Variants in SLC24A2 observed in about 807,000 individuals in gnomAD.
SLC24A2 encodes the protein solute carrier family 24 member 2, also known as sodium/potassium/calcium exchanger 2.
In SLC24A2, 36 loss-of-function variants were observed where a neutral mutation model predicts 62.0. That is an observed-to-expected ratio of 0.58 (90% confidence interval 0.44 to 0.77). SLC24A2 has a LOEUF of 0.77. Ranked by LOEUF, SLC24A2 falls within the 30% of genes least tolerant of loss-of-function variation. SLC24A2 has a pLI of 0.00. For synonymous variants in SLC24A2, 358 were observed against 294.0 expected, an observed-to-expected ratio of 1.22 and a Z score of -2.23; for missense variants, 846 against 817.9, an observed-to-expected ratio of 1.03 and a Z score of -0.42.
At chr9:19,846,295 T>G in the SLC24A2 span, among the ~76,000 whole-genome samples, 1 of 152,240 alleles carries the variant, frequency 6.6e-6, no homozygotes, top group Non-Finnish European at 1.5e-5. Context: ...GCGCATATAT[T>G]TGGATAGTTA....
At chr9:19,890,149 C>A in the SLC24A2 span, among the ~76,000 whole-genome samples, 1 of 152,158 alleles carries the variant, frequency 6.6e-6, no homozygotes, top group Non-Finnish European at 1.5e-5. Flanking sequence ...CCAGTTTAAA[C>A]CTAAATATCT....
chr9:19,642,521 C>A (rs10811220), intron 2 of SLC24A2, among the ~76,000 whole-genome samples: 3 of 151,882 alleles, frequency 2.0e-5, no homozygotes, highest in African/African-American at 7.3e-5. Context: ...ATACTGTACA[C>A]TCCTCTGAGA....
chr9:20,113,822 C>G, the SLC24A2 span, among the ~76,000 whole-genome samples: 109 of 152,198 alleles, frequency 7.2e-4, no homozygotes, highest in East Asian at 0.017. Context: ...CTCTTTCAAT[C>G]AAGATGGAGT....
At chr9:20,297,338 G>T in the SLC24A2 span, among the ~76,000 whole-genome samples, 3 of 152,176 alleles carry the variant, frequency 2.0e-5, no homozygotes, top group African/African-American at 4.8e-5. Context: ...ATGAAGGAGA[G>T]AAACTAGACC....
chr9:19,693,396 C>T (rs1449239526), intron 2 of SLC24A2, among the ~76,000 whole-genome samples: 1 of 152,090 alleles, frequency 6.6e-6, no homozygotes, highest in Non-Finnish European at 1.5e-5. Flanking sequence ...ATGGTAGGTG[C>T]ACCATGACTG....
chr9:19,996,143 G>A, the SLC24A2 span, among the ~76,000 whole-genome samples: 3 of 152,202 alleles, frequency 2.0e-5, no homozygotes, highest in South Asian at 2.1e-4. Flanking sequence ...GTAAAGTTGG[G>A]AAAGAAATAT....
the SLC24A2 span, among the ~76,000 whole-genome samples, chr9:19,834,680 A>G: frequency 4.6e-5 from 7 of 152,200 alleles, no homozygotes; most frequent in Admixed American, 2.0e-4. Flanking sequence ...AACTTCCCCA[A>G]TCTAGCAAGG....
chr9:19,893,128 T>C, the SLC24A2 span, among the ~76,000 whole-genome samples: 651 of 152,334 alleles, frequency 4.3e-3, 9 homozygotes, highest in African/African-American at 0.015. Context: ...AGAAAGTCTC[T>C]ATGAATGGTA....
At chr9:19,655,467 A>G (rs1308553823) in intron 2 of SLC24A2, among the ~76,000 whole-genome samples, 1 of 152,222 alleles carries the variant, frequency 6.6e-6, no homozygotes, top group Non-Finnish European at 1.5e-5. Context: ...GAAAGGTTAA[A>G]TTATGCCTAA....
At chr9:19,994,736 G>A in the SLC24A2 span, among the ~76,000 whole-genome samples, 6 of 152,202 alleles carry the variant, frequency 3.9e-5, no homozygotes, top group Non-Finnish European at 7.3e-5. Flanking sequence ...TGAAGATAGT[G>A]TGGCTTCATG....
chr9:20,220,122 T>C, the SLC24A2 span, among the ~76,000 whole-genome samples: 3 of 152,166 alleles, frequency 2.0e-5, no homozygotes, highest in African/African-American at 4.8e-5. Flanking sequence ...TAATTTTTTT[T>C]TTCTCCTCAT....
the SLC24A2 span, among the ~76,000 whole-genome samples, chr9:19,993,543 T>C: frequency 6.6e-6 from 1 of 152,190 alleles, no homozygotes; most frequent in Admixed American, 6.5e-5. Context: ...GAACATTAAA[T>C]ATGTGCAGTC....
In SLC24A2 at chr9:19,706,635, C is replaced by T. The variant is rs1173369791; in HGVS notation, c.930+79302G>A. The stretch of plus-strand genomic sequence containing the variant: ...CCTCGTGATCCGCTCGTCTCGGCCT[C>T]CCAAAGTGCTGGGATTACAGGCGTG... On this transcript the variant is annotated intron_variant, in intron 2 of 10. Coordinates refer to ENST00000341998, the MANE Select transcript of SLC24A2 (RefSeq NM_020344.4). Among the ~76,000 whole-genome samples, 9 of 152,242 alleles carry T rather than the reference C, an allele frequency of 5.9e-5. No homozygotes were observed. The East Asian group carries it at 1.2e-3, about 20-fold the overall frequency.
the SLC24A2 span, among the ~76,000 whole-genome samples, chr9:19,950,860 C>T: frequency 2.6e-5 from 4 of 151,978 alleles, no homozygotes; most frequent in South Asian, 2.1e-4. Context: ...TGAAACATCC[C>T]GGAGCCTATG....
chr9:19,883,095 G>T, the SLC24A2 span, among the ~76,000 whole-genome samples: 1 of 152,148 alleles, frequency 6.6e-6, no homozygotes, highest in African/African-American at 2.4e-5. Context: ...AATATCAAAT[G>T]ATTAAAAATT....
rs1278684645 is a variant in SLC24A2, at chr9:19,599,546, C to T, written c.1079-2267G>A. Among the ~76,000 whole-genome samples the T allele has an allele frequency of 6.6e-6, 1 of 152,134 alleles. No homozygotes were observed. The highest frequency in any genetic ancestry group is 1.5e-5 in the Non-Finnish European group (1 of 68,012). ...AGAAAAGAATGGAGATGGAAACCAGCCTGCTAGAATACGGTCTTTAGCACT... is the reference window on the plus strand; with the variant it reads ...AGAAAAGAATGGAGATGGAAACCAGTCTGCTAGAATACGGTCTTTAGCACT... On this transcript the variant is annotated intron_variant, in intron 4 of 10. Transcript: ENST00000341998. This position sits in a 1 kb window ranked among gnomAD's most constrained non-coding sequence, Gnocchi z 4.5.
chr9:20,118,550 TA>T, the SLC24A2 span, among the ~76,000 whole-genome samples: 1 of 152,046 alleles, frequency 6.6e-6, no homozygotes, highest in East Asian at 1.9e-4. Context: ...AGTTTTTTTT[TA>T]TTTTTTATTT....
chr9:19,997,673 G>A, the SLC24A2 span, among the ~76,000 whole-genome samples: 16 of 152,278 alleles, frequency 1.1e-4, no homozygotes, highest in African/African-American at 3.1e-4. Flanking sequence ...AAAAACAGGC[G>A]TACAACAGCA....
the SLC24A2 span, among the ~76,000 whole-genome samples, chr9:20,255,155 G>A: frequency 4.6e-5 from 7 of 152,284 alleles, no homozygotes; most frequent in Admixed American, 1.3e-4. Context: ...AGGGTTTAGC[G>A]TGTCTAATAT....
Sources: allele counts gnomAD v4.1 joint callset (sites outside exome capture counted in the v4.1 genomes callset), GRCh38; gene constraint gnomAD v4.1.1; non-coding constraint Gnocchi (gnomAD v3.1); transcripts MANE v1.5; gene names NCBI Gene and HGNC (gene_info 2026-07-23, HGNC 2026-07-21).